PABPC4L: variants seen among roughly 807,000 people sequenced by gnomAD.
PABPC4L encodes polyadenylate-binding protein 4-like.
For missense variants in PABPC4L, 452 were observed against 451.4 expected (o/e 1.00, Z -0.01); for synonymous variants, 169 against 164.1 (o/e 1.03, Z -0.23).
the PABPC4L span, among the ~76,000 whole-genome samples, chr4:134,155,518 C>T: frequency 6.6e-6 from 1 of 151,616 alleles, no homozygotes; most frequent in African/African-American, 2.4e-5. Flanking sequence ...CCCCATTGCT[C>T]TATCCTCTAT....
chr4:134,144,772 T>C, the PABPC4L span, among the ~76,000 whole-genome samples: 8 of 151,720 alleles, frequency 5.3e-5, no homozygotes, highest in Non-Finnish European at 1.0e-4. Context: ...TATTTGCACA[T>C]CTCAATTCAG....
At chr4:134,154,104 T>G in the PABPC4L span, among the ~76,000 whole-genome samples, 1 of 152,130 alleles carries the variant, frequency 6.6e-6, no homozygotes, top group South Asian at 2.1e-4. Flanking sequence ...ATTATCTATA[T>G]GAAAGTTTAA....
the PABPC4L span, among the ~76,000 whole-genome samples, chr4:134,081,389 A>G: frequency 1.3e-4 from 20 of 152,320 alleles, 1 homozygote; most frequent in Admixed American, 1.3e-3. Context: ...TGGTCAGTCC[A>G]AAGCATTTAT....
the PABPC4L span, among the ~76,000 whole-genome samples, chr4:134,142,276 C>T: frequency 5.9e-5 from 9 of 151,552 alleles, no homozygotes; most frequent in Non-Finnish European, 8.9e-5. Flanking sequence ...CAAAACAGAC[C>T]TTTGGTTAGT....
At position 134,197,847 on chromosome 4, in the gene PABPC4L, G is replaced by C. The variant is rs1298866784; in HGVS notation, c.*2060C>G. On this transcript the variant is annotated 3_prime_UTR_variant, in exon 2 of 2. Coordinates refer to ENST00000421491, the MANE Select transcript of PABPC4L (RefSeq NM_001114734.2). The stretch of plus-strand genomic sequence containing the variant: ...TAGGCATTCTCCTACAATGACAATG[G>C]AAATGTAAGTGCCACAAGTATTCTG... 1 of 151,684 alleles carries C rather than the reference G, an allele frequency of 6.6e-6. No individual in the cohort carries two copies. The highest frequency in any genetic ancestry group is 1.5e-5 in the Non-Finnish European group (1 of 67,688). 9.4% of individuals were successfully genotyped at this position (151,684 alleles called of 1,614,324 possible). A position where few individuals can be genotyped will look rare whatever the true frequency, so the allele number is the denominator to read the frequency against.
chr4:134,035,110 C>T, the PABPC4L span, among the ~76,000 whole-genome samples: 1 of 151,978 alleles, frequency 6.6e-6, no homozygotes, highest in Non-Finnish European at 1.5e-5. Context: ...AGTCTGCCAA[C>T]AGCAAAAAGA....
the PABPC4L span, among the ~76,000 whole-genome samples, chr4:134,166,007 T>C: frequency 6.6e-6 from 1 of 152,208 alleles, no homozygotes. Context: ...GTCATTATTC[T>C]AAGTGAAATA....
At chr4:133,971,935 A>T in the PABPC4L span, among the ~76,000 whole-genome samples, 1 of 152,172 alleles carries the variant, frequency 6.6e-6, no homozygotes, top group African/African-American at 2.4e-5. Context: ...TGCCCTTCTC[A>T]TTCACAATAC....
At chr4:134,012,731 C>G in the PABPC4L span, among the ~76,000 whole-genome samples, 2 of 152,118 alleles carry the variant, frequency 1.3e-5, no homozygotes, top group Non-Finnish European at 2.9e-5. Context: ...GTCCTCAGAC[C>G]AACCAGCCCA....
At chr4:134,026,969 A>G in the PABPC4L span, among the ~76,000 whole-genome samples, 30 of 152,086 alleles carry the variant, frequency 2.0e-4, 1 homozygote, top group South Asian at 2.3e-3. Flanking sequence ...CAGCCTGCAG[A>G]GGGAAAAAAA....
the PABPC4L span, among the ~76,000 whole-genome samples, chr4:133,996,126 C>T: frequency 2.0e-5 from 3 of 152,110 alleles, no homozygotes; most frequent in African/African-American, 7.2e-5. Context: ...GGGGCTCAGG[C>T]AAAACCTCTG....
the PABPC4L span, among the ~76,000 whole-genome samples, chr4:133,962,438 A>T: frequency 6.6e-6 from 1 of 152,220 alleles, no homozygotes; most frequent in African/African-American, 2.4e-5. Flanking sequence ...TAAAGAAAAA[A>T]CAATAAAAAC....
chr4:134,056,265 T>A, the PABPC4L span, among the ~76,000 whole-genome samples: 1 of 152,036 alleles, frequency 6.6e-6, no homozygotes, highest in South Asian at 2.1e-4. Context: ...TGAAATTGGT[T>A]AGAGTGTTTC....
the PABPC4L span, among the ~76,000 whole-genome samples, chr4:133,954,419 A>G: frequency 1.5e-4 from 23 of 152,162 alleles, no homozygotes; most frequent in Non-Finnish European, 2.8e-4. Flanking sequence ...GGCACATTCT[A>G]TCCTCCTGAG....
At chr4:134,143,659 G>A in the PABPC4L span, among the ~76,000 whole-genome samples, 5 of 151,070 alleles carry the variant, frequency 3.3e-5, no homozygotes, top group Non-Finnish European at 5.9e-5. Flanking sequence ...AAATTCTACA[G>A]AATTTCCCCA....
At chr4:134,003,571 T>A in the PABPC4L span, among the ~76,000 whole-genome samples, 3 of 151,924 alleles carry the variant, frequency 2.0e-5, no homozygotes, top group East Asian at 1.9e-4. Context: ...TAGCACATTT[T>A]AAAAAATAAT....
chr4:134,083,636 A>G, the PABPC4L span, among the ~76,000 whole-genome samples: 1 of 152,330 alleles, frequency 6.6e-6, no homozygotes, highest in South Asian at 2.1e-4. Context: ...TAAAGTGGCC[A>G]AAGTGAAGTT....
the PABPC4L span, among the ~76,000 whole-genome samples, chr4:134,183,053 C>G: frequency 6.6e-6 from 1 of 151,996 alleles, no homozygotes; most frequent in East Asian, 1.9e-4. Context: ...ATGGGAATTT[C>G]TCAAAGAACC....
At chr4:134,167,453 G>A in the PABPC4L span, among the ~76,000 whole-genome samples, 1 of 151,768 alleles carries the variant, frequency 6.6e-6, no homozygotes, top group Non-Finnish European at 1.5e-5. Flanking sequence ...TGGCATGTAA[G>A]TGATCAAAAT....
Sources: allele counts gnomAD v4.1 joint callset (sites outside exome capture counted in the v4.1 genomes callset), GRCh38; gene constraint gnomAD v4.1.1; transcripts MANE v1.5; gene names NCBI Gene and HGNC (gene_info 2026-07-23, HGNC 2026-07-21).